Variants in MAN1B1 observed in about 807,000 individuals in gnomAD.
MAN1B1 encodes mannosidase alpha class 1B member 1.
MAN1B1 carries 66 observed loss-of-function variants against 75.5 expected under a neutral mutation model. The observed-to-expected ratio is 0.87, with a 90% confidence interval of 0.72 to 1.07. MAN1B1 has a LOEUF of 1.07. Ranked by LOEUF, MAN1B1 falls within the 50% of genes least tolerant of loss-of-function variation. The pLI is 0.00. For synonymous variants in MAN1B1, 453 were observed against 382.8 expected, an observed-to-expected ratio of 1.18 and a Z score of -2.14; for missense variants, 973 against 912.5, an observed-to-expected ratio of 1.07 and a Z score of -0.85.
intron 3 of MAN1B1, chr9:137,089,220 C>T (rs1452459947): frequency 6.3e-6 from 4 of 634,352 alleles, no homozygotes; most frequent in African/African-American, 1.8e-5. Context: ...TCCGGTTTTA[C>T]TTCTGACTGT....
chr9:137,097,207 G>C (rs1199859680), intron 4 of MAN1B1, among the ~76,000 whole-genome samples: 1 of 152,230 alleles, frequency 6.6e-6, no homozygotes, highest in Non-Finnish European at 1.5e-5. Flanking sequence ...TTTGACCTCA[G>C]CTTGTCAAAA....
intron 3 of MAN1B1, among the ~76,000 whole-genome samples, chr9:137,092,426 A>C (rs1371832427): frequency 1.3e-5 from 2 of 152,162 alleles, no homozygotes; most frequent in African/African-American, 4.8e-5. Context: ...TTGGATACAC[A>C]CGTGTGTACG....
chr9:137,088,348 A>G (rs1469726170), intron 2 of MAN1B1, 165 bp downstream of exon 2: 3 of 1,596,742 alleles, frequency 1.9e-6, no homozygotes, highest in Non-Finnish European at 2.5e-6. Context: ...CCACCTGGCT[A>G]GAACACAGAT....
chr9:137,097,699 G>T, intron 4 of MAN1B1, 129 bp from the exon 5 acceptor site: 1 of 738,316 alleles, frequency 1.4e-6, no homozygotes, highest in South Asian at 1.5e-5. Flanking sequence ...TCAGCAGCCT[G>T]CACCTCAGGA....
chr9:137,103,907 G>A (rs1830997811), intron 8 of MAN1B1: 1 of 454,646 alleles, frequency 2.2e-6, no homozygotes, highest in Non-Finnish European at 4.4e-6. Context: ...TTGCAGGCAT[G>A]CAGGTCGGTA....
At chr9:137,088,321 G>A (rs751873359) in intron 2 of MAN1B1, 138 bp downstream of exon 2, 1 of 1,604,738 alleles carries the variant, frequency 6.2e-7, no homozygotes, top group Non-Finnish European at 8.5e-7. Context: ...TAAAGAGAAA[G>A]GTAGAGCTGT....
chr9:137,106,696 G>A lies in MAN1B1; in HGVS notation c.1453G>A (p.Glu485Lys). The change falls in exon 10 of 13, where the codon GAA becomes AAA. Residue 485 changes from glutamate (E) to lysine (K), a missense_variant. Glu to Lys is a moderately conservative substitution (Grantham distance 56). Transcript: ENST00000371589. ...QGGKQETQLL[E>K]DYVEAIEGVR... ...GACTGCTGGTGTCCACAGGCTGCTGGAAGACTACGTGGAAGCCATCGAGGG... is the reference window on the plus strand; with the variant it reads ...GACTGCTGGTGTCCACAGGCTGCTGAAAGACTACGTGGAAGCCATCGAGGG... 1 of 1,613,470 alleles carries A rather than the reference G, an allele frequency of 6.2e-7. No homozygotes were observed. The highest frequency in any genetic ancestry group is 8.5e-7 in the Non-Finnish European group (1 of 1,180,000).
In MAN1B1 at chr9:137,089,735, G is replaced by A. The variant is rs1055251254; in HGVS notation, c.465+730G>A. Among the ~76,000 whole-genome samples, 11 of 152,266 alleles carry A rather than the reference G, an allele frequency of 7.2e-5. No individual in the cohort carries two copies. The East Asian group carries it at 1.4e-3, about 19-fold the overall frequency. ...AGGAGGCCAGGAGAGCTGCCTGGCC[G>A]TGGGAAAAGCTGAGTGGGGGGAGGA... On this transcript the variant is annotated intron_variant, in intron 3 of 12. Coordinates refer to ENST00000371589, the MANE Select transcript of MAN1B1 (RefSeq NM_016219.5).
Position 137,101,685 on chromosome 9 carries a change from G to T in MAN1B1, c.1254+13G>T. 6.2e-7 allele frequency: 1 copy of T among 1,609,886 alleles called. No individual in the cohort carries two copies. The highest frequency in any genetic ancestry group is 2.2e-5 in the East Asian group (1 of 44,772). On this transcript the variant is annotated intron_variant, in intron 8 of 12. Coordinates refer to ENST00000371589, the MANE Select transcript of MAN1B1 (RefSeq NM_016219.5). ...TAAGAAGTTTCAGGTAAGGGGGCAG[G>T]CTTTCTGGCTGGATGCGCCTCCCCT... is the stretch of plus-strand genomic sequence containing the variant.
Position 137,101,679 on chromosome 9 carries a change from GGGCA to G in MAN1B1, c.1254+11_1254+14del, listed in dbSNP as rs1318169054. On this transcript the variant is annotated splice_region_variant and intron_variant, in intron 8 of 12. Coordinates refer to ENST00000371589, the MANE Select transcript of MAN1B1 (RefSeq NM_016219.5). ...AGGGGATAAGAAGTTTCAGGTAAGG[GGGCA>G]GGCTTTCTGGCTGGATGCGCCTCCC... 1 of 1,610,998 alleles carries G rather than the reference GGGCA, an allele frequency of 6.2e-7. No individual in the cohort carries two copies. Among genetic ancestry groups the G allele is most frequent in the African/African-American group, 1.3e-5 (1 of 74,898 alleles).
At chr9:137,103,429 C>T (rs1351196051) in intron 8 of MAN1B1, 2 of 422,076 alleles carry the variant, frequency 4.7e-6, no homozygotes, top group Non-Finnish European at 9.3e-6. Flanking sequence ...CACGCTGGTG[C>T]AGGCATGCAG....
At chr9:137,089,411 G>C (rs1463735685) in intron 3 of MAN1B1, 1 of 289,472 alleles carries the variant, frequency 3.5e-6, no homozygotes, top group African/African-American at 2.2e-5. Context: ...GGAGGCCGTG[G>C]CACTGAGGGC....
At position 137,107,412 on chromosome 9, in the gene MAN1B1, T is replaced by C; in HGVS notation, c.1729T>C (p.Tyr577His). 1.2e-6 allele frequency: 2 copies of C among 1,613,432 alleles called. No individual in the cohort carries two copies. The highest frequency in any genetic ancestry group is 1.7e-6 in the Non-Finnish European group (2 of 1,179,988). Residue 577 changes from tyrosine to histidine, a missense_variant, in exon 11 of 13, where the codon TAC becomes CAC. Tyr to His is a moderately conservative substitution (Grantham distance 83). Coordinates refer to ENST00000371589, the MANE Select transcript of MAN1B1 (RefSeq NM_016219.5). ...TCCCGAGATCGTGCACTTCAACCTTTACCCCCAGCCGGGCCGTCGGGACGT... is the reference window on the plus strand; with the variant it reads ...TCCCGAGATCGTGCACTTCAACCTTCACCCCCAGCCGGGCCGTCGGGACGT... ...LSPEIVHFNL[Y>H]PQPGRRDVEV...
chr9:137,094,792 A>G (rs1397276316), intron 3 of MAN1B1, among the ~76,000 whole-genome samples: 3 of 152,084 alleles, frequency 2.0e-5, no homozygotes, highest in Admixed American at 6.6e-5. Context: ...AGGCAGGAGA[A>G]TCACTTGAAC....
chr9:137,089,524 G>A (rs1334837189), intron 3 of MAN1B1, among the ~76,000 whole-genome samples: 2 of 152,164 alleles, frequency 1.3e-5, no homozygotes, highest in East Asian at 1.9e-4. Context: ...TGGCATATGC[G>A]GGAAGGTGAA....
At chr9:137,102,119 ACATT>A (rs1830840649) in intron 8 of MAN1B1, 1 of 378,504 alleles carries the variant, frequency 2.6e-6, no homozygotes, top group African/African-American at 3.9e-5. Context: ...CGGTGGTGTT[ACATT>A]CACGCTGTTG....
chr9:137,104,318 C>G (rs1408703297), intron 8 of MAN1B1: 1 of 324,698 alleles, frequency 3.1e-6, no homozygotes, highest in Non-Finnish European at 6.0e-6. Flanking sequence ...TCACTGCAAC[C>G]TCCACTCCCA....
Position 137,096,403 on chromosome 9 carries a change from A to T in MAN1B1, c.620+12A>T. 6.2e-7 allele frequency: 1 copy of T among 1,612,984 alleles called. No individual in the cohort carries two copies. Among genetic ancestry groups the T allele is most frequent in the Non-Finnish European group, 8.5e-7 (1 of 1,179,686 alleles). Reference sequence around the variant, plus strand: ...AGGACAGTCATCAGGTACAGAGCGCAGGGCAGGCTGCACGCCGCCGCTCAG... The same window carrying T: ...AGGACAGTCATCAGGTACAGAGCGCTGGGCAGGCTGCACGCCGCCGCTCAG... On this transcript the variant is annotated intron_variant, in intron 4 of 12. Coordinates refer to ENST00000371589, the MANE Select transcript of MAN1B1 (RefSeq NM_016219.5).
Position 137,106,811 on chromosome 9 carries a change from T to TG in MAN1B1, c.1566+3dup, listed in dbSNP as rs1554758759. 15 of 1,613,050 alleles carry TG rather than the reference T, an allele frequency of 9.3e-6. No individual in the cohort carries two copies. The highest frequency in any genetic ancestry group is 1.3e-5 in the Non-Finnish European group (15 of 1,179,850). On this transcript the variant is annotated splice_region_variant and intron_variant, in intron 10 of 12. Coordinates refer to ENST00000371589, the MANE Select transcript of MAN1B1 (RefSeq NM_016219.5). ...CACGGCCGCTTCAGTGCCAAGATGG[T>TG]GAGTGTGTCTGCGGGGCCTTCCGGC... is the stretch of plus-strand genomic sequence containing the variant.
Sources: allele counts gnomAD v4.1 joint callset (sites outside exome capture counted in the v4.1 genomes callset), GRCh38; gene constraint gnomAD v4.1.1; transcripts MANE v1.5; gene names NCBI Gene and HGNC (gene_info 2026-07-23, HGNC 2026-07-21).